The following DPP6 variants were observed in gnomAD, a reference collection of about 807,000 sequenced individuals.
DPP6 encodes the protein dipeptidyl peptidase like 6, also known as A-type potassium channel modulatory protein DPP6.
Under a neutral mutation model 122.6 loss-of-function variants are expected in DPP6, and 69 were observed. The observed-to-expected ratio is 0.56, with a 90% CI of 0.46 to 0.69. The LOEUF (loss-of-function observed/expected upper bound fraction) is 0.69, where lower values mean the gene tolerates loss of function less well. DPP6 is among the 30% of genes least tolerant of loss of function. DPP6 has a pLI of 0.00. For synonymous variants in DPP6, 418 were observed against 433.1 expected (o/e 0.97, Z 0.43); for missense variants, 928 against 1,116.9 (o/e 0.83, Z 2.41).
At chr7:154,862,703 T>C (rs1340430479) in intron 17 of DPP6, among the ~76,000 whole-genome samples, 3 of 152,100 alleles carry the variant, frequency 2.0e-5, no homozygotes, top group Non-Finnish European at 4.4e-5. Flanking sequence ...GACACACACA[T>C]GAGTCCCCTC....
At chr7:154,417,454 G>T (rs1018235805) in intron 1 of DPP6, among the ~76,000 whole-genome samples, 1 of 152,146 alleles carries the variant, frequency 6.6e-6, no homozygotes, top group South Asian at 2.1e-4. Context: ...TGTAGCTCAG[G>T]CCATTCCCGT....
intron 1 of DPP6, among the ~76,000 whole-genome samples, chr7:154,432,292 T>G (rs1429844993): frequency 3.3e-5 from 5 of 152,234 alleles, no homozygotes; most frequent in Non-Finnish European, 7.3e-5. Context: ...CATGCTGCTA[T>G]GTTACAAGAA....
chr7:154,388,711 C>A (rs1814340165), intron 1 of DPP6, among the ~76,000 whole-genome samples: 1 of 152,098 alleles, frequency 6.6e-6, no homozygotes, highest in African/African-American at 2.4e-5. Context: ...GTTCACATCA[C>A]AGGGAAGATG....
chr7:154,513,713 T>C (rs10260404), intron 3 of DPP6, among the ~76,000 whole-genome samples: 53,379 of 151,952 alleles, frequency 0.35, 9,478 homozygotes, highest in Non-Finnish European at 0.38. Context: ...GTCTGGGCCT[T>C]GTATGTCAAC....
At chr7:154,008,788 A>C (rs2129048162) in intron 1 of DPP6, among the ~76,000 whole-genome samples, 1 of 149,036 alleles carries the variant, frequency 6.7e-6, no homozygotes, top group African/African-American at 2.5e-5. Flanking sequence ...CAGCCTCCCG[A>C]GTAGCTGGGA....
chr7:154,620,676 A>G (rs1834584744), intron 5 of DPP6, among the ~76,000 whole-genome samples: 1 of 152,216 alleles, frequency 6.6e-6, no homozygotes, highest in Non-Finnish European at 1.5e-5. Flanking sequence ...TCTCTATAGC[A>G]GAGGTGATGT....
intron 5 of DPP6, among the ~76,000 whole-genome samples, chr7:154,597,267 T>A (rs1384761650): frequency 6.6e-6 from 1 of 151,376 alleles, no homozygotes. Flanking sequence ...GGAAGCACAA[T>A]TGTGGGTTGG....
intron 1 of DPP6, among the ~76,000 whole-genome samples, chr7:154,062,805 C>T (rs1156729810): frequency 8.5e-6 from 1 of 117,916 alleles, no homozygotes; most frequent in Non-Finnish European, 1.8e-5. Context: ...GGACCCCCAT[C>T]GCAGAGGGGG....
the DPP6 span, among the ~76,000 whole-genome samples, chr7:153,808,010 T>C: frequency 6.6e-6 from 1 of 152,070 alleles, no homozygotes; most frequent in Non-Finnish European, 1.5e-5. Context: ...GAGCTCCTTC[T>C]GAACAGGCTT....
At chr7:154,843,215 T>A (rs972461371) in intron 16 of DPP6, among the ~76,000 whole-genome samples, 1 of 152,178 alleles carries the variant, frequency 6.6e-6, no homozygotes, top group African/African-American at 2.4e-5. Context: ...GGTGGGAGGA[T>A]CACTTGAGCC....
In DPP6 at chr7:154,510,971, CAG is replaced by C. The variant is rs376724364; in HGVS notation, c.458-29548_458-29547del. 4.6e-3 allele frequency among the ~76,000 whole-genome samples: 550 copies of C among 120,278 alleles called. 4 individuals are homozygous for C. The highest frequency in any genetic ancestry group is 0.016 in the African/African-American group (484 of 29,516). 78.9% of individuals were successfully genotyped at this position (120,278 alleles called of 152,430 possible). A position where few individuals can be genotyped will look rare whatever the true frequency, so the allele number is the denominator to read the frequency against. ...ACACACACACACACACACACACACA[CAG>C]AGAGAGAGAGAGCAAGGAAAAGATA... On this transcript the variant is annotated intron_variant, in intron 3 of 25. Coordinates refer to ENST00000377770, the MANE Select transcript of DPP6 (RefSeq NM_130797.4).
chr7:154,222,233 C>T (rs998949085), intron 1 of DPP6, among the ~76,000 whole-genome samples: 1 of 152,214 alleles, frequency 6.6e-6, no homozygotes. Flanking sequence ...AGCATATCTT[C>T]CAATGCACAA....
At chr7:154,574,404 GTGTA>G (rs1301262548) in intron 5 of DPP6, among the ~76,000 whole-genome samples, 2 of 147,162 alleles carry the variant, frequency 1.4e-5, no homozygotes, top group Admixed American at 6.8e-5. Flanking sequence ...TGTGTGGTGT[GTGTA>G]TGTGTGGTGT....
intron 1 of DPP6, among the ~76,000 whole-genome samples, chr7:154,120,855 G>T (rs533292823): frequency 1.3e-5 from 2 of 152,308 alleles, no homozygotes; most frequent in African/African-American, 4.8e-5. Flanking sequence ...TCTTGTCAAA[G>T]AATCAACTTT....
At chr7:154,691,899 AG>A (rs747228025) in intron 7 of DPP6, among the ~76,000 whole-genome samples, 2 of 152,228 alleles carry the variant, frequency 1.3e-5, no homozygotes, top group Non-Finnish European at 2.9e-5. Flanking sequence ...GTACTCACAA[AG>A]GTGGTTAGTG....
chr7:153,757,643 C>A, the DPP6 span, among the ~76,000 whole-genome samples: 1 of 152,204 alleles, frequency 6.6e-6, no homozygotes, highest in South Asian at 2.1e-4. Context: ...CAAGCTCCAA[C>A]TTCACAATAT....
chr7:154,679,521 C>A lies in DPP6; in HGVS notation c.762+10080C>A, dbSNP rs545334325. Among the ~76,000 whole-genome samples the A allele has an allele frequency of 8.5e-5, 13 of 152,292 alleles. No individual in the cohort carries two copies. In the East Asian group the frequency reaches 1.5e-3, roughly 18 times the overall value. ...GCCCGTCGCCTCCTCCTACAAGTTACAGCCTGGCTCAGGGTTAGCGCTGCC... is the reference window on the plus strand; with the variant it reads ...GCCCGTCGCCTCCTCCTACAAGTTAAAGCCTGGCTCAGGGTTAGCGCTGCC... On this transcript the variant is annotated intron_variant, in intron 7 of 25. Coordinates refer to ENST00000377770, the MANE Select transcript of DPP6 (RefSeq NM_130797.4).
intron 1 of DPP6, among the ~76,000 whole-genome samples, chr7:154,103,488 C>T (rs888817000): frequency 6.6e-6 from 1 of 152,150 alleles, no homozygotes; most frequent in African/African-American, 2.4e-5. Flanking sequence ...TGGCCAGCTC[C>T]CCCCTCTCCA....
chr7:154,028,813 A>G (rs1799078163), intron 1 of DPP6, among the ~76,000 whole-genome samples: 3 of 151,916 alleles, frequency 2.0e-5, no homozygotes, highest in South Asian at 2.1e-4. Context: ...TCTGCATCCA[A>G]TTCCTGATGC....
Sources: gnomAD v4.1 joint callset for allele counts (sites outside exome capture counted in the v4.1 genomes callset) on GRCh38, gnomAD v4.1.1 for gene constraint, MANE v1.5 for transcripts, NCBI Gene and HGNC (gene_info 2026-07-23, HGNC 2026-07-21) for gene names.